CNOT7: variants seen among roughly 807,000 people sequenced by gnomAD.
CNOT7 encodes CCR4-NOT transcription complex subunit 7.
In CNOT7, 4 loss-of-function variants were observed where a neutral mutation model predicts 37.1. That is an observed-to-expected ratio of 0.11 (90% CI 0.05 to 0.25). The LOEUF is 0.25. CNOT7 is among the 10% of genes least tolerant of loss of function. CNOT7 has a pLI of 1.00. For synonymous variants in CNOT7, 128 were observed against 115.6 expected, an observed-to-expected ratio of 1.11 and a Z score of -0.69; for missense variants, 170 against 336.2, an observed-to-expected ratio of 0.51 and a Z score of 3.87.
chr8:17,242,876 T>C lies in CNOT7; in HGVS notation c.311+116A>G, dbSNP rs577842984. 1.2e-3 allele frequency: 706 copies of C among 606,048 alleles called. 2 individuals carry two copies. Among genetic ancestry groups the C allele is most frequent in the Middle Eastern group, 2.3e-3 (9 of 3,872 alleles). 37.5% of individuals were successfully genotyped at this position (606,048 alleles called of 1,614,324 possible). A position where few individuals can be genotyped will look rare whatever the true frequency, so the allele number is the denominator to read the frequency against. On this transcript the variant is annotated intron_variant, in intron 3 of 6. Transcript: ENST00000361272. ...TTTTGAAATGTTACGTTTTATATAT[T>C]TCCAGGATAACTACACCAAATTCAC...
Position 17,226,429 on chromosome 8 carries a change from G to A in CNOT7, c.*4291C>T, listed in dbSNP as rs1408438844. The A allele has an allele frequency of 2.6e-5, 4 of 151,634 alleles. No homozygotes were observed. Among genetic ancestry groups the A allele is most frequent in the South Asian group, 2.1e-4 (1 of 4,834 alleles). The allele number at this position is 151,634 out of a possible 1,614,324, so 9.4% of individuals were successfully genotyped here. A position where few individuals can be genotyped will look rare whatever the true frequency, so the allele number is the denominator to read the frequency against. The stretch of plus-strand genomic sequence containing the variant: ...GCTAAATACTGACACATCCACCCAT[G>A]AGCATGTGATTTTAGTTAAGCATAT... On this transcript the variant is annotated 3_prime_UTR_variant, in exon 7 of 7. Transcript: ENST00000361272.
chr8:17,240,644 A>G (rs1314338527), intron 3 of CNOT7, among the ~76,000 whole-genome samples: 1 of 152,218 alleles, frequency 6.6e-6, no homozygotes, highest in Non-Finnish European at 1.5e-5. Flanking sequence ...CCTCCTTCTC[A>G]CGTACTGAGA....
At chr8:17,239,323 G>A (rs1191455533) in intron 3 of CNOT7, among the ~76,000 whole-genome samples, 1 of 152,136 alleles carries the variant, frequency 6.6e-6, no homozygotes, top group Admixed American at 6.5e-5. Context: ...CTCCCGAAGT[G>A]CTGGGATTAC....
In CNOT7 at chr8:17,227,317, ATTC is replaced by A. The variant is rs1462099525; in HGVS notation, c.*3400_*3402del. ...TATTCCCACTTGTAGTTCCATACAA[ATTC>A]TTCGATCACTTCAAATCCAGCAATG... On this transcript the variant is annotated 3_prime_UTR_variant, in exon 7 of 7. Transcript: ENST00000361272. 2 of 151,988 alleles carry A rather than the reference ATTC, an allele frequency of 1.3e-5. No homozygotes were observed. The highest frequency in any genetic ancestry group is 2.9e-5 in the Non-Finnish European group (2 of 67,802). 9.4% of individuals were successfully genotyped at this position (151,988 alleles called of 1,614,324 possible). A position where few individuals can be genotyped will look rare whatever the true frequency, so the allele number is the denominator to read the frequency against.
Position 17,245,244 on chromosome 8 carries a change from G to A in CNOT7, c.-92C>T, listed in dbSNP as rs942570952. On this transcript the variant is annotated 5_prime_UTR_variant, in exon 2 of 7. Transcript: ENST00000361272. ...ATAAAATATTTTATCCTTTATTTAT[G>A]TACCTGTCAAAATAAAAAAACAATA... The A allele has an allele frequency of 1.5e-6, 2 of 1,315,240 alleles. No homozygotes were observed. Among genetic ancestry groups the A allele is most frequent in the Non-Finnish European group, 2.0e-6 (2 of 994,932 alleles). 81.5% of individuals were successfully genotyped at this position (1,315,240 alleles called of 1,614,324 possible).
chr8:17,230,875 A>T (rs910911688), intron 6 of CNOT7, 27 bp from the exon 7 acceptor site: 3 of 1,528,528 alleles, frequency 2.0e-6, no homozygotes, highest in Non-Finnish European at 2.7e-6. Flanking sequence ...AAGAAAAAAA[A>T]AAGATAATTT....
At chr8:17,244,657 T>C (rs1388689570) in intron 2 of CNOT7, 1 of 164,114 alleles carries the variant, frequency 6.1e-6, no homozygotes, top group Non-Finnish European at 1.3e-5. Context: ...TAGTCTCTCA[T>C]TTAAGACTTA....
intron 6 of CNOT7, among the ~76,000 whole-genome samples, chr8:17,231,060 A>C (rs1268318321): frequency 6.6e-6 from 1 of 152,106 alleles, no homozygotes; most frequent in Non-Finnish European, 1.5e-5. Context: ...AAGAGACTAC[A>C]AAAAAAGTGT....
At chr8:17,243,502 G>C (rs971652422) in intron 2 of CNOT7, 1 of 503,424 alleles carries the variant, frequency 2.0e-6, no homozygotes. Context: ...TACATGAAAT[G>C]ATGCTCACAG....
At chr8:17,240,737 C>G (rs556418242) in intron 3 of CNOT7, among the ~76,000 whole-genome samples, 5 of 152,222 alleles carry the variant, frequency 3.3e-5, no homozygotes, top group African/African-American at 1.2e-4. Flanking sequence ...TGGTAAAGCA[C>G]TAATTTTAAT....
intron 3 of CNOT7, among the ~76,000 whole-genome samples, chr8:17,240,570 G>A (rs550149305): frequency 7.2e-4 from 110 of 152,202 alleles, no homozygotes; most frequent in African/African-American, 2.6e-3. Flanking sequence ...GTTGTTACTC[G>A]AACAAAGGTG....
intron 3 of CNOT7, among the ~76,000 whole-genome samples, chr8:17,238,523 T>C (rs1350065682): frequency 1.3e-5 from 2 of 151,678 alleles, no homozygotes; most frequent in Non-Finnish European, 2.9e-5. Context: ...TTTTTTTTTT[T>C]TTTCCAGTGA....
Position 17,230,556 on chromosome 8 carries a change from C to G in CNOT7, c.*164G>C. On this transcript the variant is annotated 3_prime_UTR_variant, in exon 7 of 7. Transcript: ENST00000361272. ...TTTTTTTTTTTCTTTTTATTAAGATCTGAGATAGGAACGGTCATACTTAGT... is the reference window on the plus strand; with the variant it reads ...TTTTTTTTTTTCTTTTTATTAAGATGTGAGATAGGAACGGTCATACTTAGT... The G allele has an allele frequency of 4.8e-6, 2 of 417,230 alleles. No homozygotes were observed. The highest frequency in any genetic ancestry group is 8.3e-6 in the Non-Finnish European group (2 of 239,618). 25.8% of individuals were successfully genotyped at this position (417,230 alleles called of 1,614,324 possible).
intron 3 of CNOT7, among the ~76,000 whole-genome samples, chr8:17,239,596 A>G (rs1457726476): frequency 6.6e-6 from 1 of 152,000 alleles, no homozygotes; most frequent in African/African-American, 2.4e-5. Flanking sequence ...GGTTCACGCC[A>G]TTCTCCCGCC....
intron 1 of CNOT7, among the ~76,000 whole-genome samples, chr8:17,245,610 A>G (rs1029670603): frequency 2.0e-5 from 3 of 152,220 alleles, no homozygotes; most frequent in African/African-American, 7.2e-5. Context: ...ATGTGACAAG[A>G]TCAGATGTTA....
chr8:17,233,033 T>G (rs1474865866), intron 5 of CNOT7, among the ~76,000 whole-genome samples: 1 of 152,228 alleles, frequency 6.6e-6, no homozygotes, highest in Non-Finnish European at 1.5e-5. Context: ...ATGGTTTTCT[T>G]AGTTAAGACG....
intron 4 of CNOT7, among the ~76,000 whole-genome samples, chr8:17,236,497 T>C (rs547118484): frequency 1.3e-5 from 2 of 152,304 alleles, no homozygotes; most frequent in South Asian, 2.1e-4. Context: ...TTCATAACAA[T>C]AAAGAATTTA....
rs1808239690 is a variant in CNOT7, at chr8:17,227,497, G to C, written c.*3223C>G. On this transcript the variant is annotated 3_prime_UTR_variant, in exon 7 of 7. Transcript: ENST00000361272. ...AATTTTCTCTGGACACATGTCTTTG[G>C]GTTGGTTACTATCTTCAAGCACGAT... is the stretch of plus-strand genomic sequence containing the variant. 1 of 151,812 alleles carries C rather than the reference G, an allele frequency of 6.6e-6. No individual in the cohort carries two copies. The highest frequency in any genetic ancestry group is 1.5e-5 in the Non-Finnish European group (1 of 67,770). 9.4% of individuals were successfully genotyped at this position (151,812 alleles called of 1,614,324 possible).
rs200983574 is a variant in CNOT7, at chr8:17,245,081, C to A, written c.72G>T (p.Met24Ile). The A allele has an allele frequency of 2.8e-5, 45 of 1,613,718 alleles. No homozygotes were observed. The East Asian group carries it at 9.8e-4, about 35-fold the overall frequency. ...EVWACNLDEE[M>I]KKIRQVIRKY... The stretch of plus-strand genomic sequence containing the variant: ...TTCGGATAACTTGACGAATTTTCTT[C>A]ATCTCTTCATCCAAGTTGCAAGCCC... The change falls in exon 2 of 7, where the codon ATG (methionine) becomes ATT (isoleucine). Residue 24 changes from methionine (M) to isoleucine (I), a missense_variant. By Grantham distance (10) the Met-to-Ile change is conservative (BLOSUM62 1). Coordinates refer to ENST00000361272, the MANE Select transcript of CNOT7 (RefSeq NM_013354.7).
Sources: allele counts gnomAD v4.1 joint callset (sites outside exome capture counted in the v4.1 genomes callset), GRCh38; gene constraint gnomAD v4.1.1; transcripts MANE v1.5; gene names NCBI Gene and HGNC (gene_info 2026-07-23, HGNC 2026-07-21).